Variants in ARVCF observed in about 807,000 individuals in gnomAD.
ARVCF encodes the protein splicing regulator ARVCF.
A neutral mutation model predicts 90.9 loss-of-function variants in ARVCF; 66 were observed. The ratio of observed to expected loss-of-function variants is 0.73; its 90% CI spans 0.60 to 0.89. The LOEUF is 0.89. Ranked by LOEUF, ARVCF falls within the 40% of genes least tolerant of loss-of-function variation. The pLI is 0.00. For synonymous variants in ARVCF, 653 were observed against 603.4 expected (o/e 1.08, Z -1.21); for missense variants, 1,469 against 1,382.3 (o/e 1.06, Z -1.00).
rs1376179636 is a variant in ARVCF, at chr22:19,981,651, G to A, written c.456C>T (p.Gly152=). 4 of 1,609,414 alleles carry A rather than the reference G, an allele frequency of 2.5e-6. No individual in the cohort carries two copies. The highest frequency in any genetic ancestry group is 2.7e-5 in the African/African-American group (2 of 74,886). ...CATCTGCAAAAGGGCCTAGTGGGGG[G>A]CCGCCATCCAGCAGGGGGAGTCCAT... is the stretch of plus-strand genomic sequence containing the variant. ...GPDGLPLLDG[G]PPLGPFADGA... The change falls in exon 5 of 20, where the codon GGC becomes GGT. Residue 152 remains glycine, a synonymous_variant. Transcript: ENST00000263207.
chr22:19,980,378 G>A (rs755192748), intron 5 of ARVCF, 136 bp from the exon 6 acceptor site: 142 of 1,282,804 alleles, frequency 1.1e-4, no homozygotes, highest in Middle Eastern at 5.6e-4. Context: ...ATCTTGGCCC[G>A]GAGCATGGTG....
At chr22:20,016,407 G>A (rs1945162363) in intron 1 of ARVCF, among the ~76,000 whole-genome samples, 182 bp downstream of exon 1, 1 of 152,066 alleles carries the variant, frequency 6.6e-6, no homozygotes, top group Non-Finnish European at 1.5e-5. Context: ...AGACGCGGGT[G>A]GGGCGGAGAT....
chr22:19,971,877 A>C lies in ARVCF; in HGVS notation c.2781+9T>G. On this transcript the variant is annotated intron_variant, in intron 18 of 19. Transcript: ENST00000263207. ...CCGGGGACCTGCCCACAGCCACATGACCACTTACTTTCAAGGGTTCCTTCT... is the reference window on the plus strand; with the variant it reads ...CCGGGGACCTGCCCACAGCCACATGCCCACTTACTTTCAAGGGTTCCTTCT... 1.2e-6 allele frequency: 2 copies of C among 1,613,180 alleles called. No individual in the cohort carries two copies. Among genetic ancestry groups the C allele is most frequent in the Non-Finnish European group, 8.5e-7 (1 of 1,179,826 alleles).
intron 2 of ARVCF, among the ~76,000 whole-genome samples, chr22:20,001,590 G>A (rs1944447752): frequency 6.6e-6 from 1 of 152,162 alleles, no homozygotes; most frequent in African/African-American, 2.4e-5. Context: ...GATCACCTGA[G>A]GTTGGGAGTT....
chr22:19,988,250 C>G (rs903800761), intron 3 of ARVCF, among the ~76,000 whole-genome samples: 7 of 152,246 alleles, frequency 4.6e-5, no homozygotes, highest in African/African-American at 1.7e-4. Flanking sequence ...AGTTCCCCCA[C>G]CTGCAGAGGG....
rs939942818 is a variant in ARVCF, at chr22:20,013,692, G to C, written c.-73+2897C>G. ...AAGGGCCTGTGCATAACTGGTTATG[G>C]AGTGGGGGGAACTCTGTGGCCCCAG... is the stretch of plus-strand genomic sequence containing the variant. On this transcript the variant is annotated intron_variant, in intron 1 of 19. Transcript: ENST00000263207. Among the ~76,000 whole-genome samples, 4 of 152,100 alleles carry C rather than the reference G, an allele frequency of 2.6e-5. No homozygotes were observed. The East Asian group carries it at 5.8e-4, about 22-fold the overall frequency.
Position 19,979,834 on chromosome 22 carries a change from G to GT in ARVCF, c.1304dup (p.Asn435LysfsTer28). On this transcript the variant is annotated frameshift_variant, in exon 6 of 20. Coordinates refer to ENST00000263207, the MANE Select transcript of ARVCF (RefSeq NM_001670.3). LOFTEE classifies it high-confidence loss of function. ...CACCGCAGTCCCGGATGGCGGCCTT[G>GT]TTGTCAGTGTCGCGGCCATAGGAGA... The GT allele has an allele frequency of 6.2e-7, 1 of 1,609,694 alleles. No homozygotes were observed. The highest frequency in any genetic ancestry group is 1.1e-5 in the South Asian group (1 of 90,618).
Position 19,973,183 on chromosome 22 carries a change from C to A in ARVCF, c.2374G>T (p.Asp792Tyr). Residue 792 changes from aspartate to tyrosine, a missense_variant, in exon 14 of 20, where the codon GAT becomes TAT. Asp to Tyr is a radical substitution (Grantham distance 160, BLOSUM62 -3). Transcript: ENST00000263207. The stretch of plus-strand genomic sequence containing the variant: ...GCCTGCAGGAGCGAGCGCGCGTTAT[C>A]CAGGCTGTCGGACACGATTTCGTGG... Reference protein sequence around the residue: ...TIHEIVSDSLDNARSLLQARG... With the variant: ...TIHEIVSDSLYNARSLLQARG... 1 of 1,610,864 alleles carries A rather than the reference C, an allele frequency of 6.2e-7. No homozygotes were observed. Among genetic ancestry groups the A allele is most frequent in the East Asian group, 2.2e-5 (1 of 44,744 alleles).
intron 1 of ARVCF, 25 bp from the exon 2 acceptor site, chr22:20,010,533 G>A (rs1944788372): frequency 6.6e-6 from 1 of 152,276 alleles, no homozygotes. Flanking sequence ...GAGGGCATGA[G>A]TGAGGTCAAT....
intron 3 of ARVCF, chr22:19,987,081 G>C (rs774449883): frequency 4.9e-6 from 3 of 617,832 alleles, no homozygotes; most frequent in Admixed American, 2.6e-5. Flanking sequence ...ACCTGTCTGA[G>C]TTCGGCCGGC....
chr22:19,967,712 T>C (rs1942496374), downstream of ARVCF: 1 of 262,792 alleles, frequency 3.8e-6, no homozygotes, highest in Non-Finnish European at 7.5e-6. Flanking sequence ...TGTTAACTTT[T>C]GTTTGGTGAC....
chr22:19,982,424 C>A (rs58232028), intron 3 of ARVCF, among the ~76,000 whole-genome samples: 11,533 of 152,180 alleles, frequency 0.076, 649 homozygotes, highest in African/African-American at 0.15. Flanking sequence ...CAGGGCCCTC[C>A]CCAAGCTGCA....
intron 3 of ARVCF, among the ~76,000 whole-genome samples, chr22:19,990,003 G>C (rs1325709467): frequency 1.3e-5 from 2 of 152,196 alleles, no homozygotes; most frequent in Non-Finnish European, 2.9e-5. Context: ...TAGAGCACTG[G>C]GGTGCTGGGA....
intron 6 of ARVCF, 128 bp from the exon 7 acceptor site, chr22:19,979,208 A>G: frequency 9.4e-7 from 1 of 1,068,078 alleles, no homozygotes; most frequent in Non-Finnish European, 1.3e-6. Flanking sequence ...AGGAAGTAAC[A>G]AAAGCCGTGA....
At chr22:20,013,696 G>A (rs143369598) in intron 1 of ARVCF, among the ~76,000 whole-genome samples, 6 of 152,044 alleles carry the variant, frequency 3.9e-5, no homozygotes, top group African/African-American at 1.4e-4. Context: ...GTTATGGAGT[G>A]GGGGGAACTC....
At chr22:20,014,745 C>T (rs1944960973) in intron 1 of ARVCF, among the ~76,000 whole-genome samples, 1 of 152,202 alleles carries the variant, frequency 6.6e-6, no homozygotes, top group Non-Finnish European at 1.5e-5. Context: ...GAGGGTGGTG[C>T]CTGGCATCCG....
chr22:19,969,793 C>G (rs1601553022), downstream of ARVCF: 6 of 975,240 alleles, frequency 6.2e-6, no homozygotes, highest in South Asian at 9.5e-5. Flanking sequence ...AGATGGGCAC[C>G]TGGGACCACC....
chr22:20,007,342 C>T (rs376454397), intron 2 of ARVCF, among the ~76,000 whole-genome samples: 13 of 152,236 alleles, frequency 8.5e-5, no homozygotes, highest in African/African-American at 2.9e-4. Context: ...GTGAAGGTTG[C>T]AGTGAGCCAA....
At position 19,979,949 on chromosome 22, in the gene ARVCF, C is replaced by T. The variant is rs745882093; in HGVS notation, c.1190G>A (p.Arg397Gln). ...AAGCAGCGGCAGCCCCCGCAACTGC[C>T]GTACACGCCGCTTGACACCCTCGTT... ...FENEGVKRRV[R>Q]QLRGLPLLVA... The change falls in exon 6 of 20, where the codon CGG becomes CAG. Residue 397 changes from arginine (R) to glutamine (Q), a missense_variant. Coordinates refer to ENST00000263207, the MANE Select transcript of ARVCF (RefSeq NM_001670.3). 4.4e-6 allele frequency: 7 copies of T among 1,595,252 alleles called. No homozygotes were observed. Among genetic ancestry groups the T allele is most frequent in the South Asian group, 2.2e-5 (2 of 88,900 alleles).
Sources: gnomAD v4.1 joint callset for allele counts (sites outside exome capture counted in the v4.1 genomes callset) on GRCh38, gnomAD v4.1.1 for gene constraint, MANE v1.5 for transcripts, NCBI Gene and HGNC (gene_info 2026-07-23, HGNC 2026-07-21) for gene names.